HIC2: variants seen among roughly 807,000 people sequenced by gnomAD.
HIC2 encodes the protein hypermethylated in cancer 2 protein.
Under a neutral mutation model 39.5 loss-of-function variants are expected in HIC2, and 2 were observed. That is an observed-to-expected ratio of 0.05 (90% CI 0.02 to 0.16). The LOEUF is 0.16. HIC2 is among the 10% of genes least tolerant of loss of function. HIC2 has a pLI of 1.00. For synonymous variants in HIC2, 399 were observed against 368.8 expected (o/e 1.08, Z -0.94); for missense variants, 713 against 863.5 (o/e 0.83, Z 2.18).
rs572532060 is a variant in HIC2 at position 21,444,319 on chromosome 22, G to C, written c.27-603G>C. Among the ~76,000 whole-genome samples the C allele has an allele frequency of 3.3e-5, 5 of 152,354 alleles. No individual in the cohort carries two copies. In the South Asian group the frequency reaches 8.3e-4, roughly 25 times the overall value. On this transcript the variant is annotated intron_variant, in intron 2 of 2. Transcript: ENST00000407464. Reference sequence around the variant, plus strand: ...AGCCCAGGCTGGGGCAGCACTTGGCGCCCGCCCAGAGTGCGAGGCAGCCCA... The same window carrying C: ...AGCCCAGGCTGGGGCAGCACTTGGCCCCCGCCCAGAGTGCGAGGCAGCCCA...
rs1923929959 is a variant in HIC2 at position 21,447,633 on chromosome 22, T to C, written c.*890T>C. ...TAGTTTCCAAGGAATATTCTTTGTT[T>C]AGAGGTACTTGTTTTTTATTAAGAG... is the stretch of plus-strand genomic sequence containing the variant. On this transcript the variant is annotated 3_prime_UTR_variant, in exon 3 of 3. Coordinates refer to ENST00000407464, the MANE Select transcript of HIC2 (RefSeq NM_015094.3). The C allele has an allele frequency of 2.7e-5, 4 of 150,012 alleles. No homozygotes were observed. The highest frequency in any genetic ancestry group is 4.4e-5 in the Non-Finnish European group (3 of 67,824). The allele number at this position is 150,012 out of a possible 1,614,324, so 9.3% of individuals were successfully genotyped here.
chr22:21,446,133 G>A lies in HIC2; in HGVS notation c.1238G>A (p.Gly413Glu), dbSNP rs1377730968. The A allele has an allele frequency of 6.2e-7, 1 of 1,608,242 alleles. No individual in the cohort carries two copies. The highest frequency in any genetic ancestry group is 8.5e-7 in the Non-Finnish European group (1 of 1,179,914). Reference protein sequence around the residue: ...KDASEDSAQSGSEGGSGHASA... With the variant: ...KDASEDSAQSESEGGSGHASA... ...GCAAGTGAAGACAGTGCGCAGAGCG[G>A]GAGCGAGGGGGGCAGCGGCCATGCC... The change falls in exon 3 of 3, where the codon GGG becomes GAG. Residue 413 changes from glycine to glutamate, a missense_variant. By Grantham distance (98) the Gly-to-Glu change is moderately conservative (BLOSUM62 -2). This residue lies in a region of HIC2 where 457 missense variants were observed against 420.2 expected (regional missense o/e 1.09). Transcript: ENST00000407464.
chr22:21,446,290 G>T lies in HIC2; in HGVS notation c.1395G>T (p.Thr465=). 1 of 1,613,316 alleles carries T rather than the reference G, an allele frequency of 6.2e-7. No homozygotes were observed. The highest frequency in any genetic ancestry group is 1.1e-5 in the South Asian group (1 of 91,088). The change falls in exon 3 of 3, where the codon ACG becomes ACT. Residue 465 remains threonine, a synonymous_variant. Transcript: ENST00000407464. ...TCAATGCGCACGTGGAGACTCACAC[G>T]GAGGAAGAGCTGTTCATCAAGGAAG... ...EQLNAHVETH[T]EEELFIKEEG...
chr22:21,444,234 G>A (rs997448270), intron 2 of HIC2, among the ~76,000 whole-genome samples: 2 of 152,228 alleles, frequency 1.3e-5, no homozygotes, highest in Admixed American at 6.5e-5. Flanking sequence ...TAGAGAGGAC[G>A]GAGGGTTCAG....
rs951198102 is a variant in HIC2, at chr22:21,448,560, CTATTT to C, written c.*1820_*1824del. 5.9e-5 allele frequency: 9 copies of C among 152,596 alleles called. No homozygotes were observed. The highest frequency in any genetic ancestry group is 1.9e-4 in the African/African-American group (8 of 41,390). The allele number at this position is 152,596 out of a possible 1,614,324, so 9.5% of individuals were successfully genotyped here. The stretch of plus-strand genomic sequence containing the variant: ...ATTTTTTTTTCTCTCTCTTTTCATT[CTATTT>C]TAAGTTTAGACCAAAAAAATACAGA... On this transcript the variant is annotated 3_prime_UTR_variant, in exon 3 of 3. Coordinates refer to ENST00000407464, the MANE Select transcript of HIC2 (RefSeq NM_015094.3).
At chr22:21,438,454 T>C (rs1923480948) in intron 1 of HIC2, among the ~76,000 whole-genome samples, 1 of 147,346 alleles carries the variant, frequency 6.8e-6, no homozygotes, top group Non-Finnish European at 1.5e-5. Context: ...TCCTCTCTCC[T>C]GGCCTTTGAA....
rs1924004792 is a variant in HIC2 at position 21,448,824 on chromosome 22, G to C, written c.*2081G>C. On this transcript the variant is annotated 3_prime_UTR_variant, in exon 3 of 3. Transcript: ENST00000407464. Reference sequence around the variant, plus strand: ...TTCCAGCAAGTCAGGCTAGGGACCTGGGGGGAGGAGACCCATGGACTTCAC... The same window carrying C: ...TTCCAGCAAGTCAGGCTAGGGACCTCGGGGGAGGAGACCCATGGACTTCAC... The C allele has an allele frequency of 6.5e-6, 1 of 152,726 alleles. No homozygotes were observed. The highest frequency in any genetic ancestry group is 2.4e-5 in the African/African-American group (1 of 41,442). 9.5% of individuals were successfully genotyped at this position (152,726 alleles called of 1,614,324 possible).
At position 21,449,621 on chromosome 22, in the gene HIC2, A is replaced by G. The variant is rs368953171; in HGVS notation, c.*2878A>G. Reference sequence around the variant, plus strand: ...AGGGAACCCTCCCCTGCTGCTGGAAACCCTTCTGAGTTGGCCCTGGAGTGG... The same window carrying G: ...AGGGAACCCTCCCCTGCTGCTGGAAGCCCTTCTGAGTTGGCCCTGGAGTGG... On this transcript the variant is annotated 3_prime_UTR_variant, in exon 3 of 3. Coordinates refer to ENST00000407464, the MANE Select transcript of HIC2 (RefSeq NM_015094.3). 147 of 152,694 alleles carry G rather than the reference A, an allele frequency of 9.6e-4. 1 individual carries two copies. Among genetic ancestry groups the G allele is most frequent in the African/African-American group, 3.1e-3 (128 of 41,506 alleles). 9.5% of individuals were successfully genotyped at this position (152,694 alleles called of 1,614,324 possible). A position where few individuals can be genotyped will look rare whatever the true frequency, so the allele number is the denominator to read the frequency against.
rs1924044378 is a variant in HIC2 at position 21,449,430 on chromosome 22, A to G, written c.*2687A>G. 6.5e-6 allele frequency: 1 copy of G among 152,794 alleles called. No individual in the cohort carries two copies. Among genetic ancestry groups the G allele is most frequent in the Non-Finnish European group, 1.5e-5 (1 of 68,036 alleles). The allele number at this position is 152,794 out of a possible 1,614,324, so 9.5% of individuals were successfully genotyped here. ...GAGGATAAACAAAGAAAAAAGAAAA[A>G]AAAATAAGCTCATACCCAAATTCAC... On this transcript the variant is annotated 3_prime_UTR_variant, in exon 3 of 3. Coordinates refer to ENST00000407464, the MANE Select transcript of HIC2 (RefSeq NM_015094.3).
In HIC2 at chr22:21,450,917, T is replaced by C. The variant is rs1185275100; in HGVS notation, c.*4174T>C. ...TCCCCCTACCTCACCTTGCTATTTA[T>C]TGCTGTAATTTATTGACCTCAAAAA... On this transcript the variant is annotated 3_prime_UTR_variant, in exon 3 of 3. Transcript: ENST00000407464. 1 of 152,780 alleles carries C rather than the reference T, an allele frequency of 6.5e-6. No individual in the cohort carries two copies. Among genetic ancestry groups the C allele is most frequent in the Non-Finnish European group, 1.5e-5 (1 of 68,034 alleles). The allele number at this position is 152,780 out of a possible 1,614,324, so 9.5% of individuals were successfully genotyped here.
rs1924023828 is a variant in HIC2 at position 21,449,086 on chromosome 22, T to C, written c.*2343T>C. ...CTCACTCAACGACGTTTGTGCGACA[T>C]AGTATTGTATCCACCTTAGTATTGT... On this transcript the variant is annotated 3_prime_UTR_variant, in exon 3 of 3. Transcript: ENST00000407464. 6.6e-6 allele frequency: 1 copy of C among 152,664 alleles called. No individual in the cohort carries two copies. Among genetic ancestry groups the C allele is most frequent in the South Asian group, 2.1e-4 (1 of 4,832 alleles). 9.5% of individuals were successfully genotyped at this position (152,664 alleles called of 1,614,324 possible). A position where few individuals can be genotyped will look rare whatever the true frequency, so the allele number is the denominator to read the frequency against.
At position 21,449,195 on chromosome 22, in the gene HIC2, A is replaced by G. The variant is rs1315005675; in HGVS notation, c.*2452A>G. The G allele has an allele frequency of 1.3e-5, 2 of 152,650 alleles. No homozygotes were observed. Among genetic ancestry groups the G allele is most frequent in the Non-Finnish European group, 2.9e-5 (2 of 68,046 alleles). 9.5% of individuals were successfully genotyped at this position (152,650 alleles called of 1,614,324 possible). The stretch of plus-strand genomic sequence containing the variant: ...TTAAGGGTTTGTGGGGCGGGGCGGG[A>G]TTAACACAACATTTGGCTTTGTTTT... On this transcript the variant is annotated 3_prime_UTR_variant, in exon 3 of 3. Transcript: ENST00000407464.
rs1923950634 is a variant in HIC2, at chr22:21,447,887, CTT to C, written c.*1145_*1146del. ...CCTTCCTCGCTGAACAAGGTGGAGA[CTT>C]CTGACCTTTTGCTACCTCTTGAATT... On this transcript the variant is annotated 3_prime_UTR_variant, in exon 3 of 3. Transcript: ENST00000407464. 1.3e-5 allele frequency: 2 copies of C among 152,816 alleles called. No individual in the cohort carries two copies. The highest frequency in any genetic ancestry group is 4.8e-5 in the African/African-American group (2 of 41,438). 9.5% of individuals were successfully genotyped at this position (152,816 alleles called of 1,614,324 possible).
chr22:21,431,992 A>G (rs1435727650), intron 1 of HIC2, among the ~76,000 whole-genome samples: 9 of 141,936 alleles, frequency 6.3e-5, no homozygotes, highest in East Asian at 2.5e-4. Context: ...AAAACTTCCA[A>G]TGGATGCCGA....
At position 21,450,175 on chromosome 22, in the gene HIC2, G is replaced by A. The variant is rs896209233; in HGVS notation, c.*3432G>A. The stretch of plus-strand genomic sequence containing the variant: ...GTGAGCGGGTGGCAGGCCGGGCTCC[G>A]CCACTGCATGCTCCCGCCGGACCGA... On this transcript the variant is annotated 3_prime_UTR_variant, in exon 3 of 3. Transcript: ENST00000407464. 2.0e-5 allele frequency: 3 copies of A among 152,680 alleles called. No individual in the cohort carries two copies. Among genetic ancestry groups the A allele is most frequent in the East Asian group, 1.9e-4 (1 of 5,324 alleles). The allele number at this position is 152,680 out of a possible 1,614,324, so 9.5% of individuals were successfully genotyped here. A position where few individuals can be genotyped will look rare whatever the true frequency, so the allele number is the denominator to read the frequency against.
Position 21,445,969 on chromosome 22 carries a change from G to T in HIC2, c.1074G>T (p.Lys358Asn). ...TTGAGCGGAGAGAAGCAGGGCCCAAGGGTCCCTGCCCGGGAGAGGAGGGTG... is the reference window on the plus strand; with the variant it reads ...TTGAGCGGAGAGAAGCAGGGCCCAATGGTCCCTGCCCGGGAGAGGAGGGTG... The part of the protein sequence containing the change: ...SPFERREAGP[K>N]GPCPGEEGEG... The change falls in exon 3 of 3, where the codon AAG becomes AAT. Residue 358 changes from lysine (K) to asparagine (N), a missense_variant. Around this residue, in one of 5 missense-constraint regions of HIC2, gnomAD observed 457 missense variants for 420.2 expected, o/e 1.09. Transcript: ENST00000407464. 6.4e-7 allele frequency: 1 copy of T among 1,562,800 alleles called. No individual in the cohort carries two copies. Among genetic ancestry groups the T allele is most frequent in the Non-Finnish European group, 8.6e-7 (1 of 1,158,006 alleles).
intron 2 of HIC2, 40 bp from the exon 3 acceptor site, chr22:21,444,882 G>T (rs1332437221): frequency 6.3e-7 from 1 of 1,577,480 alleles, no homozygotes; most frequent in Non-Finnish European, 8.6e-7. Context: ...GTCCGAGTGT[G>T]CCAGTCATCT....
In HIC2 at chr22:21,449,206, A is replaced by G. The variant is rs1359349154; in HGVS notation, c.*2463A>G. On this transcript the variant is annotated 3_prime_UTR_variant, in exon 3 of 3. Transcript: ENST00000407464. ...TGGGGCGGGGCGGGATTAACACAACATTTGGCTTTGTTTTCTTTTTCCTTT... is the reference window on the plus strand; with the variant it reads ...TGGGGCGGGGCGGGATTAACACAACGTTTGGCTTTGTTTTCTTTTTCCTTT... The G allele has an allele frequency of 1.3e-5, 2 of 152,650 alleles. No individual in the cohort carries two copies. The highest frequency in any genetic ancestry group is 2.9e-5 in the Non-Finnish European group (2 of 68,038). 9.5% of individuals were successfully genotyped at this position (152,650 alleles called of 1,614,324 possible).
At position 21,450,766 on chromosome 22, in the gene HIC2, C is replaced by T. The variant is rs1457072348; in HGVS notation, c.*4023C>T. On this transcript the variant is annotated 3_prime_UTR_variant, in exon 3 of 3. Coordinates refer to ENST00000407464, the MANE Select transcript of HIC2 (RefSeq NM_015094.3). ...GGCTGGGGAGGGACCTAACTGGAGC[C>T]TCAGTCTGACATTCCACGCCGGGGT... The T allele has an allele frequency of 6.5e-6, 1 of 152,740 alleles. No individual in the cohort carries two copies. The highest frequency in any genetic ancestry group is 2.4e-5 in the African/African-American group (1 of 41,418). 9.5% of individuals were successfully genotyped at this position (152,740 alleles called of 1,614,324 possible).
Sources: gnomAD v4.1 joint callset for allele counts (sites outside exome capture counted in the v4.1 genomes callset) on GRCh38, gnomAD v4.1.1 for gene constraint, gnomAD v4.1.1 regional missense constraint, MANE v1.5 for transcripts, NCBI Gene and HGNC (gene_info 2026-07-23, HGNC 2026-07-21) for gene names.